UNC5B: variants seen among roughly 807,000 people sequenced by gnomAD.
UNC5B encodes unc-5 netrin receptor B.
Under a neutral mutation model 103.7 loss-of-function variants are expected in UNC5B, and 56 were observed. The ratio of observed to expected loss-of-function variants is 0.54; its 90% CI spans 0.44 to 0.67. The LOEUF is 0.67. Among genes scored for constraint, UNC5B ranks in the 30% least tolerant of loss-of-function variants. UNC5B has a pLI of 0.00. For synonymous variants in UNC5B, 577 were observed against 542.0 expected, an observed-to-expected ratio of 1.06 and a Z score of -0.90; for missense variants, 1,194 against 1,284.5, an observed-to-expected ratio of 0.93 and a Z score of 1.08.
intron 1 of UNC5B, among the ~76,000 whole-genome samples, chr10:71,253,216 C>T (rs1026706413): frequency 6.6e-6 from 1 of 152,240 alleles, no homozygotes; most frequent in African/African-American, 2.4e-5. Flanking sequence ...CCAACCCTCC[C>T]CAGCACTGAG....
In UNC5B at chr10:71,286,818, A is replaced by G; in HGVS notation, c.682A>G (p.Lys228Glu). Residue 228 changes from lysine to glutamate, a missense_variant, in exon 5 of 17, where the codon AAG (lysine) becomes GAG (glutamate). Lys to Glu is a moderately conservative substitution (Grantham distance 56). Transcript: ENST00000335350. ...CACTGCCAACTATACCTGCGTGGCC[A>G]AGAACATCGTGGCCAAACGCCGGAG... ...SDTANYTCVA[K>E]NIVAKRRSTT... is the part of the protein sequence containing the mutation. 2 of 1,614,178 alleles carry G rather than the reference A, an allele frequency of 1.2e-6. No homozygotes were observed. The highest frequency in any genetic ancestry group is 1.7e-6 in the Non-Finnish European group (2 of 1,180,040).
intron 1 of UNC5B, among the ~76,000 whole-genome samples, chr10:71,224,271 C>T (rs567782358): frequency 7.1e-6 from 1 of 140,168 alleles, no homozygotes; most frequent in East Asian, 2.1e-4. Context: ...ACACACACAC[C>T]AGGAAAGCCG....
chr10:71,289,068 G>C lies in UNC5B; in HGVS notation c.1099+78G>C, dbSNP rs1845177117. 9 of 1,605,246 alleles carry C rather than the reference G, an allele frequency of 5.6e-6. No homozygotes were observed. In the South Asian group the frequency reaches 9.9e-5, roughly 18 times the overall value. ...TTTGGCTGGCTTTTCCCGGGATCAGGGTGCAGGGCAGGGAGAGCTGAAGGT... is the reference window on the plus strand; with the variant it reads ...TTTGGCTGGCTTTTCCCGGGATCAGCGTGCAGGGCAGGGAGAGCTGAAGGT... On this transcript the variant is annotated intron_variant, in intron 8 of 16. Transcript: ENST00000335350.
chr10:71,286,342 A>G (rs6480504), intron 4 of UNC5B, among the ~76,000 whole-genome samples: 141,233 of 152,292 alleles, frequency 0.93, 65,522 homozygotes, highest in Middle Eastern at 0.98. Flanking sequence ...CCTGGCTAGC[A>G]CCTATTTAGT....
At chr10:71,279,696 G>T (rs1589189294) in intron 1 of UNC5B, 125 bp from the exon 2 acceptor site, 3 of 1,021,534 alleles carry the variant, frequency 2.9e-6, no homozygotes, top group African/African-American at 1.6e-5. Context: ...CCCCAGGAGG[G>T]CTCTGGCTGC....
chr10:71,243,967 G>A (rs964547617), intron 1 of UNC5B, among the ~76,000 whole-genome samples: 3 of 152,208 alleles, frequency 2.0e-5, no homozygotes, highest in Non-Finnish European at 4.4e-5. Context: ...CAACTTGCCC[G>A]AGGTCACACA....
At chr10:71,235,216 C>T (rs1003577002) in intron 1 of UNC5B, among the ~76,000 whole-genome samples, 2 of 152,222 alleles carry the variant, frequency 1.3e-5, no homozygotes, top group Non-Finnish European at 2.9e-5. Context: ...TATCTGCAGA[C>T]AGCCCCTCGC....
intron 14 of UNC5B, among the ~76,000 whole-genome samples, chr10:71,296,240 C>A (rs568635501): frequency 5.5e-4 from 84 of 152,338 alleles, no homozygotes; most frequent in Non-Finnish European, 1.1e-3. Context: ...AGGCTCCTCA[C>A]CCTTCAGGGC....
At position 71,291,088 on chromosome 10, in the gene UNC5B, A is replaced by T; in HGVS notation, c.1273A>T (p.Asn425Tyr). ...AALTGGFHPVNFKTARPSNPQ... is the reference protein window; with the variant it reads ...AALTGGFHPVYFKTARPSNPQ... The stretch of plus-strand genomic sequence containing the variant: ...CCTGACTGGTGGTTTCCACCCCGTC[A>T]ACTTTAAGACGGCAAGGCCCAGTAA... Residue 425 changes from asparagine to tyrosine, a missense_variant, in exon 9 of 17, where the codon AAC (asparagine) becomes TAC (tyrosine). By Grantham distance (143) the Asn-to-Tyr change is moderately radical. Coordinates refer to ENST00000335350, the MANE Select transcript of UNC5B (RefSeq NM_170744.5). The T allele has an allele frequency of 1.2e-6, 2 of 1,614,044 alleles. No homozygotes were observed. The highest frequency in any genetic ancestry group is 1.1e-5 in the South Asian group (1 of 91,072).
chr10:71,237,152 T>C (rs968651850), intron 1 of UNC5B, among the ~76,000 whole-genome samples: 1 of 152,302 alleles, frequency 6.6e-6, no homozygotes, highest in Admixed American at 6.5e-5. Flanking sequence ...CCACAGAGCC[T>C]GTGAGCAGAG....
At chr10:71,289,144 C>T (rs1184621074) in intron 8 of UNC5B, among the ~76,000 whole-genome samples, 154 bp downstream of exon 8, 2 of 152,164 alleles carry the variant, frequency 1.3e-5, no homozygotes, top group Non-Finnish European at 1.5e-5. Context: ...CATGTGTCTG[C>T]ATCTCCATCA....
intron 9 of UNC5B, 142 bp downstream of exon 9, chr10:71,291,251 T>C: frequency 7.5e-7 from 1 of 1,325,478 alleles, no homozygotes; most frequent in African/African-American, 1.5e-5. Context: ...TGTGGATGGG[T>C]ATGGATTAGA....
intron 1 of UNC5B, among the ~76,000 whole-genome samples, chr10:71,216,275 C>T (rs1843327875): frequency 6.6e-6 from 1 of 152,188 alleles, no homozygotes; most frequent in African/African-American, 2.4e-5. Context: ...AATTGAGGCA[C>T]CACTTAAGGC....
chr10:71,239,787 C>T (rs1190772652), intron 1 of UNC5B, among the ~76,000 whole-genome samples: 3 of 152,126 alleles, frequency 2.0e-5, no homozygotes, highest in African/African-American at 4.8e-5. Flanking sequence ...CCTGGGTGAC[C>T]CTGAAGCCCA....
Position 71,300,318 on chromosome 10 carries a change from A to C in UNC5B, c.*1041A>C, listed in dbSNP as rs1845559249. 6.6e-6 allele frequency: 1 copy of C among 152,214 alleles called. No individual in the cohort carries two copies. Among genetic ancestry groups the C allele is most frequent in the Non-Finnish European group, 1.5e-5 (1 of 68,094 alleles). The allele number at this position is 152,214 out of a possible 1,614,324, so 9.4% of individuals were successfully genotyped here. ...CCCTCCCTCCCACAGCCCCAGGGAG[A>C]TACATCTGGACTCCTGGGAATCTGG... On this transcript the variant is annotated 3_prime_UTR_variant, in exon 17 of 17. Transcript: ENST00000335350.
chr10:71,246,869 C>A (rs968089796), intron 1 of UNC5B, among the ~76,000 whole-genome samples: 3 of 152,180 alleles, frequency 2.0e-5, no homozygotes, highest in Non-Finnish European at 2.9e-5. Context: ...GCGACCACTT[C>A]TTTAAACACT....
intron 13 of UNC5B, among the ~76,000 whole-genome samples, chr10:71,294,775 G>A (rs758678221): frequency 1.3e-5 from 2 of 151,896 alleles, no homozygotes; most frequent in Non-Finnish European, 2.9e-5. Context: ...GGAGGGAAGG[G>A]GAGGGAAGGG....
At position 71,238,416 on chromosome 10, in the gene UNC5B, C is replaced by T. The variant is rs143745315; in HGVS notation, c.79+25352C>T. 7.6e-4 allele frequency among the ~76,000 whole-genome samples: 116 copies of T among 152,218 alleles called. No homozygotes were observed. In the East Asian group the frequency reaches 0.021, roughly 27 times the overall value. On this transcript the variant is annotated intron_variant, in intron 1 of 16. Coordinates refer to ENST00000335350, the MANE Select transcript of UNC5B (RefSeq NM_170744.5). ...TTCTCAATCCTGTCACTCAGAATGTCTTGTGGTTTCTGATTAGCGATAGGC... is the reference window on the plus strand; with the variant it reads ...TTCTCAATCCTGTCACTCAGAATGTTTTGTGGTTTCTGATTAGCGATAGGC...
At chr10:71,265,998 G>A (rs964438554) in intron 1 of UNC5B, among the ~76,000 whole-genome samples, 9 of 152,144 alleles carry the variant, frequency 5.9e-5, no homozygotes, top group African/African-American at 2.2e-4. Context: ...TAAGACTAGG[G>A]CCCAGAGTCA....
Sources: allele counts gnomAD v4.1 joint callset (sites outside exome capture counted in the v4.1 genomes callset), GRCh38; gene constraint gnomAD v4.1.1; transcripts MANE v1.5; gene names NCBI Gene and HGNC (gene_info 2026-07-23, HGNC 2026-07-21).